Variants in RANBP3L observed in about 807,000 individuals in gnomAD.
The protein encoded by RANBP3L is RAN binding protein 3 like.
In RANBP3L, 56 loss-of-function variants were observed where a neutral mutation model predicts 67.2. That is an observed-to-expected ratio of 0.83 (90% CI 0.67 to 1.04). The LOEUF (loss-of-function observed/expected upper bound fraction) is 1.04, where lower values mean the gene tolerates loss of function less well. Ranked by LOEUF, RANBP3L falls within the 50% of genes least tolerant of loss-of-function variation. RANBP3L has a pLI of 0.00. For synonymous variants in RANBP3L, 164 were observed against 181.4 expected (o/e 0.90, Z 0.77); for missense variants, 496 against 535.5 (o/e 0.93, Z 0.73).
rs1291822622 is a variant in RANBP3L at position 36,255,502 on chromosome 5, C to T, written c.992G>A (p.Ser331Asn). ...TGACTGTAATGTTCCACAGTCAGTG[C>T]TTGCTGTGTCATTCAGTCTCAACGT... ...RGTLRLNDTA[S>N]TDCGTLQSRL... Residue 331 changes from serine to asparagine, a missense_variant, in exon 11 of 14, where the codon AGC (serine) becomes AAC (asparagine). Ser to Asn is a conservative substitution (Grantham distance 46, BLOSUM62 1). Coordinates refer to ENST00000296604, the MANE Select transcript of RANBP3L (RefSeq NM_145000.5). 2 of 1,611,726 alleles carry T rather than the reference C, an allele frequency of 1.2e-6. No individual in the cohort carries two copies. Among genetic ancestry groups the T allele is most frequent in the African/African-American group, 2.7e-5 (2 of 74,824 alleles).
At chr5:36,260,132 T>G (rs1312956411) in intron 8 of RANBP3L, among the ~76,000 whole-genome samples, 1 of 151,176 alleles carries the variant, frequency 6.6e-6, no homozygotes, top group South Asian at 2.1e-4. Flanking sequence ...GGTGGGCAGA[T>G]GACGAGGTCA....
intron 6 of RANBP3L, 129 bp downstream of exon 6, chr5:36,264,830 T>A (rs1246052234): frequency 9.2e-6 from 7 of 759,774 alleles, no homozygotes; most frequent in Non-Finnish European, 1.5e-5. Flanking sequence ...ACCAAGGGCT[T>A]TATGCTATCT....
chr5:36,294,799 A>G (rs1359788405), intron 1 of RANBP3L, among the ~76,000 whole-genome samples: 1 of 148,900 alleles, frequency 6.7e-6, no homozygotes, highest in Non-Finnish European at 1.5e-5. Context: ...GTATATATAT[A>G]GTGTATATAT....
chr5:36,268,597 C>G (rs1440084842), intron 4 of RANBP3L, among the ~76,000 whole-genome samples: 1 of 152,074 alleles, frequency 6.6e-6, no homozygotes, highest in Non-Finnish European at 1.5e-5. Context: ...AAAGGAATCC[C>G]TGGAGTGCTT....
At chr5:36,258,521 T>C (rs1749151766) in intron 8 of RANBP3L, among the ~76,000 whole-genome samples, 1 of 152,042 alleles carries the variant, frequency 6.6e-6, no homozygotes, top group Non-Finnish European at 1.5e-5. Context: ...GGCCCCCAAA[T>C]CACAAGGCCA....
intron 1 of RANBP3L, among the ~76,000 whole-genome samples, chr5:36,290,005 T>C (rs1751603455): frequency 6.6e-6 from 1 of 152,192 alleles, no homozygotes; most frequent in South Asian, 2.1e-4. Context: ...CGAGTAGTGT[T>C]AGCTGCTGGG....
chr5:36,259,705 C>T (rs1014632562), intron 8 of RANBP3L, among the ~76,000 whole-genome samples: 6 of 152,052 alleles, frequency 3.9e-5, no homozygotes, highest in African/African-American at 1.5e-4. Flanking sequence ...AACTGGTATC[C>T]CTGAGACAAG....
intron 4 of RANBP3L, among the ~76,000 whole-genome samples, chr5:36,267,553 T>C (rs975478537): frequency 1.3e-5 from 2 of 151,924 alleles, no homozygotes; most frequent in African/African-American, 4.8e-5. Context: ...CTGTAGTTCC[T>C]GGGTAGAGGG....
At chr5:36,257,822 C>T (rs1036387341) in intron 8 of RANBP3L, among the ~76,000 whole-genome samples, 1 of 148,314 alleles carries the variant, frequency 6.7e-6, no homozygotes, top group Non-Finnish European at 1.5e-5. Flanking sequence ...TGGGAAAGGT[C>T]TAAGGGCACA....
intron 1 of RANBP3L, among the ~76,000 whole-genome samples, chr5:36,281,785 C>T (rs1293789017): frequency 6.6e-6 from 1 of 152,172 alleles, no homozygotes; most frequent in Non-Finnish European, 1.5e-5. Flanking sequence ...AATGTAAAAT[C>T]TCCATGTAAA....
At chr5:36,298,255 A>T (rs1465387885) in intron 1 of RANBP3L, among the ~76,000 whole-genome samples, 1 of 151,154 alleles carries the variant, frequency 6.6e-6, no homozygotes, top group Non-Finnish European at 1.5e-5. Flanking sequence ...AGCCGAGATC[A>T]TGCCACTGCA....
chr5:36,251,020 G>T (rs116739917), intron 13 of RANBP3L, among the ~76,000 whole-genome samples: 1 of 152,008 alleles, frequency 6.6e-6, no homozygotes, highest in Non-Finnish European at 1.5e-5. Flanking sequence ...GAAAATAAGT[G>T]AAGAGAAATA....
At chr5:36,295,968 A>C (rs1253626230) in intron 1 of RANBP3L, among the ~76,000 whole-genome samples, 1 of 152,124 alleles carries the variant, frequency 6.6e-6, no homozygotes, top group Non-Finnish European at 1.5e-5. Context: ...TTATTTAATC[A>C]ATCATGCCTA....
intron 1 of RANBP3L, among the ~76,000 whole-genome samples, chr5:36,274,490 A>G (rs963007720): frequency 5.3e-5 from 8 of 152,144 alleles, no homozygotes; most frequent in Non-Finnish European, 1.2e-4. Context: ...CAGAGGGAAA[A>G]GCAAGAGGAA....
chr5:36,292,102 G>A (rs1489232563), intron 1 of RANBP3L, among the ~76,000 whole-genome samples: 5 of 149,850 alleles, frequency 3.3e-5, no homozygotes, highest in African/African-American at 1.2e-4. Flanking sequence ...TCTAACTGGT[G>A]TGAGATGATA....
At chr5:36,259,299 G>C (rs952834694) in intron 8 of RANBP3L, among the ~76,000 whole-genome samples, 3 of 152,114 alleles carry the variant, frequency 2.0e-5, no homozygotes, top group African/African-American at 7.2e-5. Flanking sequence ...ATTTTGTAAT[G>C]AGTTTGGGCG....
Position 36,295,887 on chromosome 5 carries a change from A to G in RANBP3L, c.91+5439T>C, listed in dbSNP as rs374731192. ...CATGTGATTAGAGATTGGAAATTTCAAACCCACCCCATTCCCCTAACTTCC... is the reference window on the plus strand; with the variant it reads ...CATGTGATTAGAGATTGGAAATTTCGAACCCACCCCATTCCCCTAACTTCC... On this transcript the variant is annotated intron_variant, in intron 1 of 13. Coordinates refer to ENST00000296604, the MANE Select transcript of RANBP3L (RefSeq NM_145000.5). Among the ~76,000 whole-genome samples, 6 of 152,222 alleles carry G rather than the reference A, an allele frequency of 3.9e-5. No homozygotes were observed. The South Asian group carries it at 1.2e-3, about 32-fold the overall frequency.
In RANBP3L at chr5:36,288,638, A is replaced by G. The variant is rs568834976; in HGVS notation, c.91+12688T>C. On this transcript the variant is annotated intron_variant, in intron 1 of 13. Coordinates refer to ENST00000296604, the MANE Select transcript of RANBP3L (RefSeq NM_145000.5). ...TCACATCTTCTCCAAGCATCATGTT[A>G]TCACCATTTAAAATTTTAGCCATTC... Among the ~76,000 whole-genome samples, 26 of 152,252 alleles carry G rather than the reference A, an allele frequency of 1.7e-4. No homozygotes were observed. The South Asian group carries it at 4.6e-3, about 27-fold the overall frequency.
intron 13 of RANBP3L, 41 bp from the exon 14 acceptor site, chr5:36,249,738 AT>A: frequency 9.0e-7 from 1 of 1,112,862 alleles, no homozygotes; most frequent in Admixed American, 2.0e-5. Flanking sequence ...ACAATATTAT[AT>A]TTAGGGTAGA....
Sources: gnomAD v4.1 joint callset for allele counts (sites outside exome capture counted in the v4.1 genomes callset) on GRCh38, gnomAD v4.1.1 for gene constraint, MANE v1.5 for transcripts, NCBI Gene and HGNC (gene_info 2026-07-23, HGNC 2026-07-21) for gene names.